TTC7B: variants seen among roughly 807,000 people sequenced by gnomAD.
TTC7B encodes the protein tetratricopeptide repeat protein 7B.
TTC7B carries 28 observed loss-of-function variants against 106.8 expected under a neutral mutation model. The observed-to-expected ratio is 0.26, with a 90% CI of 0.19 to 0.36. The LOEUF (loss-of-function observed/expected upper bound fraction) is 0.36. Ranked by LOEUF, TTC7B falls within the 10% of genes least tolerant of loss-of-function variation. The pLI, the probability that TTC7B is intolerant of heterozygous loss-of-function variation, is 1.00. For missense variants in TTC7B, 862 were observed against 1,076.4 expected (o/e 0.80, Z 2.79); for synonymous variants, 405 against 430.6 (o/e 0.94, Z 0.74).
Position 90,620,417 on chromosome 14 carries a change from A to T in TTC7B, c.1752-2372T>A, listed in dbSNP as rs1298503584. Reference sequence around the variant, plus strand: ...CTGAAGCCTGCCCGAGTCCAGAACAAGATGGGAGTACTTTTCCACCAGAAT... The same window carrying T: ...CTGAAGCCTGCCCGAGTCCAGAACATGATGGGAGTACTTTTCCACCAGAAT... On this transcript the variant is annotated intron_variant, in intron 15 of 19. Coordinates refer to ENST00000328459, the MANE Select transcript of TTC7B (RefSeq NM_001010854.2). Among the ~76,000 whole-genome samples the T allele has an allele frequency of 3.3e-5, 5 of 152,168 alleles. No homozygotes were observed. In the East Asian group the frequency reaches 9.6e-4, roughly 29 times the overall value.
At chr14:90,686,958 AT>A (rs1887271906) in intron 7 of TTC7B, among the ~76,000 whole-genome samples, 1 of 151,948 alleles carries the variant, frequency 6.6e-6, no homozygotes, top group South Asian at 2.1e-4. Flanking sequence ...TGATCTACAA[AT>A]TCAATGCAAT....
chr14:90,766,628 T>C, intron 3 of TTC7B: 1 of 1,044,126 alleles, frequency 9.6e-7, no homozygotes, highest in Non-Finnish European at 1.5e-6. Context: ...ATCCCTGCCA[T>C]TAAGGGTGTG....
At chr14:90,644,618 G>T in intron 14 of TTC7B, 1 of 158,920 alleles carries the variant, frequency 6.3e-6, no homozygotes, top group Non-Finnish European at 1.4e-5. Context: ...GATTTTTAGT[G>T]GAATTAAACT....
At chr14:90,670,452 A>G (rs561880950) in intron 9 of TTC7B, among the ~76,000 whole-genome samples, 1 of 152,326 alleles carries the variant, frequency 6.6e-6, no homozygotes, top group Admixed American at 6.5e-5. Context: ...AACATCGTGA[A>G]TGTAATTAAA....
At chr14:90,634,144 T>C (rs1884824587) in intron 15 of TTC7B, among the ~76,000 whole-genome samples, 1 of 152,180 alleles carries the variant, frequency 6.6e-6, no homozygotes. Flanking sequence ...CCCAAAGTGC[T>C]GGGACTATAG....
chr14:90,791,222 T>C (rs1891575545), intron 1 of TTC7B, among the ~76,000 whole-genome samples: 1 of 152,114 alleles, frequency 6.6e-6, no homozygotes, highest in African/African-American at 2.4e-5. Flanking sequence ...CTCCTCCAGG[T>C]GCCTCATCCC....
chr14:90,710,891 T>C (rs978945110), intron 5 of TTC7B, among the ~76,000 whole-genome samples: 1 of 151,972 alleles, frequency 6.6e-6, no homozygotes, highest in African/African-American at 2.4e-5. Flanking sequence ...TTGACATTAT[T>C]GTATGGTCTG....
intron 1 of TTC7B, among the ~76,000 whole-genome samples, chr14:90,786,632 T>G (rs1323024341): frequency 1.3e-5 from 2 of 151,844 alleles, no homozygotes; most frequent in Non-Finnish European, 2.9e-5. Context: ...CAGGCTGGAG[T>G]GCAATAGCAC....
intron 15 of TTC7B, among the ~76,000 whole-genome samples, chr14:90,618,745 C>T (rs758676926): frequency 6.6e-6 from 1 of 152,196 alleles, no homozygotes; most frequent in Admixed American, 6.5e-5. Flanking sequence ...GTTTCTCTGC[C>T]GACATCAGCC....
intron 18 of TTC7B, among the ~76,000 whole-genome samples, chr14:90,579,295 C>T (rs549908602): frequency 2.6e-5 from 4 of 152,336 alleles, no homozygotes; most frequent in South Asian, 2.1e-4. Flanking sequence ...AGAGGCCGCC[C>T]GCTCTGTCGG....
intron 17 of TTC7B, among the ~76,000 whole-genome samples, chr14:90,610,374 A>G (rs567993490): frequency 6.6e-6 from 1 of 152,224 alleles, no homozygotes; most frequent in Non-Finnish European, 1.5e-5. Context: ...TGTGCAACTG[A>G]TTAGAAAGTG....
chr14:90,795,909 G>A (rs35223880), intron 1 of TTC7B, among the ~76,000 whole-genome samples: 36,924 of 152,014 alleles, frequency 0.24, 5,411 homozygotes, highest in East Asian at 0.38. Flanking sequence ...CAGTTTACCC[G>A]ATCCTGATAG....
At chr14:90,790,174 A>G (rs1034756701) in intron 1 of TTC7B, among the ~76,000 whole-genome samples, 1 of 152,094 alleles carries the variant, frequency 6.6e-6, no homozygotes, top group African/African-American at 2.4e-5. Context: ...GTCTAAAATG[A>G]TCATCACTTA....
At chr14:90,784,259 A>T (rs578164952) in intron 2 of TTC7B, among the ~76,000 whole-genome samples, 1 of 152,222 alleles carries the variant, frequency 6.6e-6, no homozygotes, top group East Asian at 1.9e-4. Context: ...GTCATCGGTT[A>T]AGAACATATG....
chr14:90,729,829 C>G (rs1255230590), intron 5 of TTC7B, among the ~76,000 whole-genome samples: 1 of 152,128 alleles, frequency 6.6e-6, no homozygotes, highest in Non-Finnish European at 1.5e-5. Flanking sequence ...GGTCTTGAGG[C>G]TGTGTACTTT....
At position 90,730,182 on chromosome 14, in the gene TTC7B, A is replaced by G; in HGVS notation, c.591T>C (p.Asn197=). The G allele has an allele frequency of 6.2e-7, 1 of 1,602,820 alleles. No homozygotes were observed. Among genetic ancestry groups the G allele is most frequent in the South Asian group, 1.1e-5 (1 of 88,692 alleles). The part of the protein sequence containing the change: ...LQEIERVILS[N]IQNRSPKPGP... ...CAGGCTTAGGGCTTCTGTTTTGAAT[A>G]TTAGAAAGTATTACCTAGAAGGGGA... is the stretch of plus-strand genomic sequence containing the variant. Residue 197 remains asparagine (N), a synonymous_variant, in exon 5 of 20, where the codon AAT becomes AAC. Coordinates refer to ENST00000328459, the MANE Select transcript of TTC7B (RefSeq NM_001010854.2).
intron 18 of TTC7B, among the ~76,000 whole-genome samples, chr14:90,593,270 G>A (rs1358045486): frequency 1.3e-5 from 2 of 152,246 alleles, no homozygotes; most frequent in Non-Finnish European, 2.9e-5. Context: ...CCAGGGCACC[G>A]AGGCAGGGGA....
intron 4 of TTC7B, among the ~76,000 whole-genome samples, chr14:90,744,137 G>A (rs1889870131): frequency 3.3e-5 from 5 of 152,196 alleles, no homozygotes; most frequent in Admixed American, 3.3e-4. Context: ...CAGATGAACA[G>A]GTCTTGGCAC....
intron 4 of TTC7B, among the ~76,000 whole-genome samples, chr14:90,740,223 C>G (rs1445335217): frequency 6.6e-6 from 1 of 152,130 alleles, no homozygotes; most frequent in Admixed American, 6.6e-5. Context: ...AGAGGAACAC[C>G]TGGAAAGCTC....
Sources: gnomAD v4.1 joint callset for allele counts (sites outside exome capture counted in the v4.1 genomes callset) on GRCh38, gnomAD v4.1.1 for gene constraint, MANE v1.5 for transcripts, NCBI Gene and HGNC (gene_info 2026-07-23, HGNC 2026-07-21) for gene names.